Variants in PECR observed in about 807,000 individuals in gnomAD.
The protein encoded by PECR is 2,4-dienoyl-CoA reductase-related protein.
A neutral mutation model predicts 35.3 loss-of-function variants in PECR; 30 were observed. The observed-to-expected ratio is 0.85, with a 90% confidence interval of 0.64 to 1.15. The LOEUF is 1.15. Among genes scored for constraint, PECR ranks in the 50% most tolerant of loss-of-function variants. The pLI is 0.00. For synonymous variants in PECR, 148 were observed against 138.9 expected (o/e 1.07, Z -0.46); for missense variants, 392 against 370.8 (o/e 1.06, Z -0.47).
chr2:216,063,605 G>T (rs960000911), intron 3 of PECR, among the ~76,000 whole-genome samples: 1 of 151,958 alleles, frequency 6.6e-6, no homozygotes, highest in Non-Finnish European at 1.5e-5. Context: ...GTGACAGAGC[G>T]AGACTCTGTC....
chr2:216,053,532 C>G (rs551069480), intron 4 of PECR, among the ~76,000 whole-genome samples: 1 of 152,278 alleles, frequency 6.6e-6, no homozygotes, highest in Middle Eastern at 3.4e-3. Flanking sequence ...ACGTGAGCCA[C>G]CGGGCCTGGC....
intron 1 of PECR, among the ~76,000 whole-genome samples, chr2:216,072,716 G>A (rs571184418): frequency 1.3e-5 from 2 of 152,210 alleles, no homozygotes; most frequent in African/African-American, 4.8e-5. Context: ...CTTTTTCATG[G>A]CTGAGTAGTA....
chr2:216,051,687 C>CT (rs1402697650), intron 4 of PECR, 142 bp from the exon 5 acceptor site: 29 of 698,860 alleles, frequency 4.1e-5, no homozygotes, highest in South Asian at 3.4e-4. Context: ...GAGCTTCTGT[C>CT]TAAACAACGA....
intron 7 of PECR, among the ~76,000 whole-genome samples, chr2:216,030,938 TCTCTCTCTCTCTCTCTCTCA>T (rs1322077902): frequency 7.8e-4 from 40 of 50,988 alleles, no homozygotes; most frequent in African/African-American, 2.0e-3. Context: ...TCTCTCTCTC[TCTCTCTCTCTCTCTCTCTCA>T]CACACACACA....
At chr2:216,054,403 G>C (rs1276909664) in intron 4 of PECR, among the ~76,000 whole-genome samples, 1 of 125,490 alleles carries the variant, frequency 8.0e-6, no homozygotes, top group African/African-American at 3.0e-5. Flanking sequence ...AGGGGGTACA[G>C]AGTCTCACTC....
intron 7 of PECR, among the ~76,000 whole-genome samples, chr2:216,031,428 GAA>G (rs35132167): frequency 1.8e-5 from 1 of 56,802 alleles, no homozygotes; most frequent in South Asian, 4.0e-4. Flanking sequence ...AAGAAAGAAA[GAA>G]AAGAAAGAAA....
intron 7 of PECR, among the ~76,000 whole-genome samples, chr2:216,041,210 C>A (rs1018572750): frequency 6.6e-6 from 1 of 152,148 alleles, no homozygotes; most frequent in Non-Finnish European, 1.5e-5. Context: ...AAAAGAAAAT[C>A]ATGTCACTGA....
Position 216,051,543 on chromosome 2 carries a change from T to A in PECR, c.509A>T (p.His170Leu). The A allele has an allele frequency of 1.9e-6, 3 of 1,599,044 alleles. No individual in the cohort carries two copies. Among genetic ancestry groups the A allele is most frequent in the Non-Finnish European group, 2.6e-6 (3 of 1,166,148 alleles). The change falls in exon 5 of 8, where the codon CAT (histidine) becomes CTT (leucine). Residue 170 changes from histidine (H) to leucine (L), a missense_variant and splice_region_variant. Transcript: ENST00000265322. ...PTKAGFPLAVHSGAARAGVYN... is the reference protein window; with the variant it reads ...PTKAGFPLAVLSGAARAGVYN... ...AACACCTGCTCTTGCAGCTCCAGAA[T>A]GCCTTTGAAAGACAAAACATAAACA...
intron 1 of PECR, among the ~76,000 whole-genome samples, chr2:216,066,866 T>C (rs1163890181): frequency 6.6e-6 from 1 of 152,098 alleles, no homozygotes; most frequent in Non-Finnish European, 1.5e-5. Context: ...CGTGTTCCTA[T>C]GTCTTAAAAA....
chr2:216,037,064 C>A (rs538157164), downstream of PECR, among the ~76,000 whole-genome samples: 2 of 150,010 alleles, frequency 1.3e-5, no homozygotes, highest in African/African-American at 5.0e-5. Context: ...ATTTTTTCAC[C>A]ATTGCATGTC....
In PECR at chr2:216,075,397, C is replaced by A. The variant is rs140824092; in HGVS notation, c.124+6221G>T. 8.1e-4 allele frequency among the ~76,000 whole-genome samples: 124 copies of A among 152,196 alleles called. 1 individual carries two copies. The highest frequency in any genetic ancestry group is 2.8e-3 in the African/African-American group (115 of 41,518). ...ATATATACGTGTGTATACATGTGCACATTAAATTTGTAGAAAATCACCAGG... is the reference window on the plus strand; with the variant it reads ...ATATATACGTGTGTATACATGTGCAAATTAAATTTGTAGAAAATCACCAGG... On this transcript the variant is annotated intron_variant, in intron 1 of 7. Transcript: ENST00000265322.
intron 7 of PECR, among the ~76,000 whole-genome samples, chr2:216,031,416 GGAAGAAAGAAAGA>G (rs1694688574): frequency 3.9e-5 from 3 of 76,414 alleles, no homozygotes; most frequent in African/African-American, 1.8e-4. Flanking sequence ...AAGGAAGAAA[GGAAGAAAGAAAGA>G]AAAGAAAGAA....
At chr2:216,060,832 A>T (rs1559214322) in intron 3 of PECR, among the ~76,000 whole-genome samples, 1 of 152,082 alleles carries the variant, frequency 6.6e-6, no homozygotes, top group Non-Finnish European at 1.5e-5. Flanking sequence ...GGTTAGAAAT[A>T]CTGAATAAAA....
chr2:216,063,775 T>A (rs1695407892), intron 3 of PECR: 1 of 152,070 alleles, frequency 6.6e-6, no homozygotes. Flanking sequence ...TCAAGTACAG[T>A]GGCACGATCT....
Position 216,066,513 on chromosome 2 carries a change from T to C in PECR, c.130A>G (p.Asn44Asp), listed in dbSNP as rs761361289. The C allele has an allele frequency of 7.4e-6, 12 of 1,613,756 alleles. No individual in the cohort carries two copies. In the Admixed American group the frequency reaches 2.0e-4, roughly 27 times the overall value. Residue 44 changes from asparagine to aspartate, a missense_variant, in exon 2 of 8, where the codon AAT (asparagine) becomes GAT (aspartate). Transcript: ENST00000265322. Reference sequence around the variant, plus strand: ...AACTTACGGGATGCAATGACCACATTACTCCCTGAGGAGAAACAGCCAGAG... The same window carrying C: ...AACTTACGGGATGCAATGACCACATCACTCCCTGAGGAGAAACAGCCAGAG... ...IVKELLELGS[N>D]VVIASRKLER...
chr2:216,072,123 C>G (rs958040917), intron 1 of PECR, among the ~76,000 whole-genome samples: 1 of 152,114 alleles, frequency 6.6e-6, no homozygotes, highest in Non-Finnish European at 1.5e-5. Flanking sequence ...TGAGGTGATA[C>G]AGTTATAGGC....
intron 1 of PECR, among the ~76,000 whole-genome samples, chr2:216,072,580 G>A (rs1054067246): frequency 1.3e-5 from 2 of 152,050 alleles, no homozygotes; most frequent in African/African-American, 4.8e-5. Flanking sequence ...ATGTCCATGT[G>A]TACCCACTCT....
chr2:216,035,082 A>G (rs1694771882), downstream of PECR, among the ~76,000 whole-genome samples: 1 of 152,254 alleles, frequency 6.6e-6, no homozygotes, highest in Non-Finnish European at 1.5e-5. Context: ...GCCAGTCGAC[A>G]AGTGGCAGGC....
chr2:216,075,384 G>C (rs1293743121), intron 1 of PECR, among the ~76,000 whole-genome samples: 1 of 152,160 alleles, frequency 6.6e-6, no homozygotes, highest in Non-Finnish European at 1.5e-5. Flanking sequence ...ATATACGTGT[G>C]TATACATGTG....
Sources: gnomAD v4.1 joint callset for allele counts (sites outside exome capture counted in the v4.1 genomes callset) on GRCh38, gnomAD v4.1.1 for gene constraint, MANE v1.5 for transcripts, NCBI Gene and HGNC (gene_info 2026-07-23, HGNC 2026-07-21) for gene names.